The following THSD7B variants were observed in gnomAD, a reference collection of about 807,000 sequenced individuals.
The protein encoded by THSD7B is thrombospondin type-1 domain-containing protein 7B.
THSD7B carries 138 observed loss-of-function variants against 213.6 expected under a neutral mutation model. The ratio of observed to expected loss-of-function variants is 0.65; its 90% confidence interval spans 0.56 to 0.74. THSD7B has a LOEUF of 0.74. THSD7B is among the 30% of genes least tolerant of loss of function. The probability of loss-of-function intolerance (pLI) is 0.00; values close to 1 mark genes in which losing one functional copy is unlikely to be tolerated. For missense variants in THSD7B, 1,931 were observed against 1,991.5 expected (o/e 0.97, Z 0.58); for synonymous variants, 742 against 687.0 (o/e 1.08, Z -1.25).
In THSD7B at chr2:136,926,705, GAA is replaced by G. The variant is rs58145302; in HGVS notation, c.139+44398_139+44399del. Among the ~76,000 whole-genome samples, 57 of 149,008 alleles carry G rather than the reference GAA, an allele frequency of 3.8e-4. No homozygotes were observed. In the East Asian group the frequency reaches 7.1e-3, roughly 19 times the overall value. On this transcript the variant is annotated intron_variant, in intron 2 of 27. Coordinates refer to ENST00000409968, the MANE Select transcript of THSD7B (RefSeq NM_001316349.2). ...CGAGACCTTATCTGAAAAAGAAAAA[GAA>G]AAAAAAAAACACAAAAAACAGTGCT...
chr2:137,548,047 G>A (rs577520732), intron 15 of THSD7B, among the ~76,000 whole-genome samples: 6 of 152,046 alleles, frequency 3.9e-5, no homozygotes, highest in Non-Finnish European at 7.4e-5. Flanking sequence ...CACACATGAC[G>A]TCAGATTTAT....
intron 1 of THSD7B, among the ~76,000 whole-genome samples, chr2:136,814,438 G>T (rs1682438132): frequency 6.6e-6 from 1 of 151,690 alleles, no homozygotes; most frequent in Non-Finnish European, 1.5e-5. Context: ...TTGCTCTGTT[G>T]CCCAGGCTCG....
intron 9 of THSD7B, among the ~76,000 whole-genome samples, chr2:137,240,634 C>T (rs1421562913): frequency 6.6e-6 from 1 of 152,116 alleles, no homozygotes; most frequent in East Asian, 1.9e-4. Context: ...CCTCAGCAAC[C>T]CATGTAGCTA....
intron 15 of THSD7B, among the ~76,000 whole-genome samples, chr2:137,494,541 C>A (rs1396406785): frequency 6.6e-6 from 1 of 152,092 alleles, no homozygotes; most frequent in Non-Finnish European, 1.5e-5. Context: ...TTTTCCTGTG[C>A]TTTGTAAGGA....
At chr2:137,432,696 C>A (rs754869151) in intron 14 of THSD7B, among the ~76,000 whole-genome samples, 2 of 152,188 alleles carry the variant, frequency 1.3e-5, no homozygotes, top group African/African-American at 2.4e-5. Flanking sequence ...CTGTTCCCCA[C>A]GTGTCTTCTG....
In THSD7B at chr2:137,674,827, T is replaced by TG. The variant is rs771148792; in HGVS notation, c.4740-1691dup. 1.1e-4 allele frequency among the ~76,000 whole-genome samples: 16 copies of TG among 152,138 alleles called. 1 individual carries two copies. Among genetic ancestry groups the TG allele is most frequent in the South Asian group, 4.1e-4 (2 of 4,820 alleles). On this transcript the variant is annotated intron_variant, in intron 27 of 27. Coordinates refer to ENST00000409968, the MANE Select transcript of THSD7B (RefSeq NM_001316349.2). ...ACCCGCTGCATGCCAGGTGCTAGGG[T>TG]GGGGGGCACTGAGAGAATCTGCAGT...
At chr2:137,503,907 C>A (rs1254510974) in intron 15 of THSD7B, among the ~76,000 whole-genome samples, 1 of 151,786 alleles carries the variant, frequency 6.6e-6, no homozygotes, top group African/African-American at 2.4e-5. Context: ...CGCCTATAGT[C>A]CCAGCTACCT....
At chr2:136,822,869 C>T (rs1344178484) in intron 1 of THSD7B, among the ~76,000 whole-genome samples, 1 of 152,128 alleles carries the variant, frequency 6.6e-6, no homozygotes, top group African/African-American at 2.4e-5. Flanking sequence ...TCTGACTTCC[C>T]TAGAAAGTAG....
At chr2:137,249,516 C>G (rs1682121225) in intron 10 of THSD7B, among the ~76,000 whole-genome samples, 1 of 151,938 alleles carries the variant, frequency 6.6e-6, no homozygotes, top group South Asian at 2.1e-4. Context: ...CCTCTCACTC[C>G]ATTACTCCGT....
At chr2:137,530,013 C>G (rs1680366678) in intron 15 of THSD7B, among the ~76,000 whole-genome samples, 1 of 151,990 alleles carries the variant, frequency 6.6e-6, no homozygotes. Flanking sequence ...AATTGAAAAA[C>G]AGTTATTGTT....
chr2:137,448,553 T>TA (rs1429827442), intron 14 of THSD7B, among the ~76,000 whole-genome samples: 1 of 151,862 alleles, frequency 6.6e-6, no homozygotes, highest in African/African-American at 2.4e-5. Flanking sequence ...CTCACGCCTG[T>TA]AATCCCAGCA....
intron 7 of THSD7B, among the ~76,000 whole-genome samples, chr2:137,229,435 G>GT (rs1439120061): frequency 2.6e-5 from 4 of 152,124 alleles, no homozygotes; most frequent in African/African-American, 9.6e-5. Context: ...ATTGGAACTG[G>GT]TTTTTCAGCT....
At chr2:137,667,251 C>T (rs1287857803) in intron 26 of THSD7B, among the ~76,000 whole-genome samples, 1 of 152,136 alleles carries the variant, frequency 6.6e-6, no homozygotes, top group East Asian at 1.9e-4. Context: ...GACTATCTTA[C>T]ATTTTACATT....
chr2:137,106,507 A>C (rs1448175679), intron 4 of THSD7B, among the ~76,000 whole-genome samples: 1 of 152,222 alleles, frequency 6.6e-6, no homozygotes, highest in Non-Finnish European at 1.5e-5. Flanking sequence ...TGACTAAAAC[A>C]CCAAAAGCAA....
chr2:137,598,661 AAATAC>A (rs1369981645), intron 17 of THSD7B, among the ~76,000 whole-genome samples: 1 of 152,198 alleles, frequency 6.6e-6, no homozygotes, highest in East Asian at 1.9e-4. Flanking sequence ...AGAATAAATT[AAATAC>A]ATTTCCTGAT....
chr2:136,832,822 A>T (rs1206338255), intron 1 of THSD7B, among the ~76,000 whole-genome samples: 1 of 152,206 alleles, frequency 6.6e-6, no homozygotes, highest in African/African-American at 2.4e-5. Flanking sequence ...GCCTGAAGTT[A>T]CCAAGTAGGT....
At chr2:137,446,658 T>C (rs1558799704) in intron 14 of THSD7B, among the ~76,000 whole-genome samples, 1 of 151,956 alleles carries the variant, frequency 6.6e-6, no homozygotes. Context: ...ATAACTAAAA[T>C]AGAACACTAA....
chr2:137,536,709 T>G (rs1209873704), intron 15 of THSD7B, among the ~76,000 whole-genome samples: 1 of 151,600 alleles, frequency 6.6e-6, no homozygotes, highest in East Asian at 1.9e-4. Context: ...ATGATACATG[T>G]AATTACAGGA....
chr2:137,491,924 T>C (rs1397644768), intron 15 of THSD7B, among the ~76,000 whole-genome samples: 1 of 152,228 alleles, frequency 6.6e-6, no homozygotes, highest in African/African-American at 2.4e-5. Flanking sequence ...TATTAAACCA[T>C]CAGTGATGTG....
Sources: allele counts gnomAD v4.1 joint callset (sites outside exome capture counted in the v4.1 genomes callset), GRCh38; gene constraint gnomAD v4.1.1; transcripts MANE v1.5; gene names NCBI Gene and HGNC (gene_info 2026-07-23, HGNC 2026-07-21).